ARHGAP22: variants seen among roughly 807,000 people sequenced by gnomAD.
ARHGAP22 encodes rho GTPase-activating protein 22.
In ARHGAP22, 48 loss-of-function variants were observed where a neutral mutation model predicts 59.1. That is an observed-to-expected ratio of 0.81 (90% CI 0.64 to 1.03). ARHGAP22 has a LOEUF of 1.03. Among genes scored for constraint, ARHGAP22 ranks in the 50% least tolerant of loss-of-function variants. The pLI, the probability that ARHGAP22 is intolerant of heterozygous loss-of-function variation, is 0.00. For missense variants in ARHGAP22, 1,015 were observed against 958.7 expected (o/e 1.06, Z -0.78); for synonymous variants, 445 against 416.4 (o/e 1.07, Z -0.84).
At chr10:48,495,545 G>C (rs1396003286) in intron 3 of ARHGAP22, among the ~76,000 whole-genome samples, 2 of 152,222 alleles carry the variant, frequency 1.3e-5, no homozygotes, top group African/African-American at 4.8e-5. Context: ...CTTAATAGCT[G>C]AGGATCTGAA....
In ARHGAP22 at chr10:48,538,139, G is replaced by C. The variant is rs2055555487; in HGVS notation, c.322+17324C>G. ...TCGCGGTGGAGCTCTAAAGGCTTGA[G>C]GGAGGAATCCTTCCTTGCCTCTTCC... On this transcript the variant is annotated intron_variant, in intron 3 of 9. Transcript: ENST00000249601. Among the ~76,000 whole-genome samples, 4 of 152,126 alleles carry C rather than the reference G, an allele frequency of 2.6e-5. 1 individual carries two copies. The South Asian group carries it at 8.3e-4, about 32-fold the overall frequency.
chr10:48,450,491 G>C lies in ARHGAP22; in HGVS notation c.1638C>G (p.Asp546Glu), dbSNP rs1196598791. ...DSSARSSLHT[D>E]WALEPSPLPS... ...GGAGCGGGGAGGGCTCCAGGGCCCA[G>C]TCGGTGTGCAGGGAACTGCGGGCAG... is the stretch of plus-strand genomic sequence containing the variant. Residue 546 changes from aspartate (D) to glutamate (E), a missense_variant, in exon 9 of 10, where the codon GAC (aspartate) becomes GAG (glutamate). Asp to Glu is a conservative substitution (Grantham distance 45, BLOSUM62 2). Coordinates refer to ENST00000249601, the MANE Select transcript of ARHGAP22 (RefSeq NM_021226.4). 7.2e-6 allele frequency: 11 copies of C among 1,533,530 alleles called. No homozygotes were observed. Among genetic ancestry groups the C allele is most frequent in the Non-Finnish European group, 8.8e-6 (10 of 1,139,082 alleles). The allele number at this position is 1,533,530 out of a possible 1,614,324, so 95.0% of individuals were successfully genotyped here. A position where few individuals can be genotyped will look rare whatever the true frequency, so the allele number is the denominator to read the frequency against.
chr10:48,565,667 C>CG lies in ARHGAP22; in HGVS notation c.235-10118_235-10117insC, dbSNP rs1358010590. The stretch of plus-strand genomic sequence containing the variant: ...ACAGGTGTGTTCCAGCCTGTTCCAC[C>CG]AGGCTGAGGCCTGGTTTCTTTATGT... On this transcript the variant is annotated intron_variant, in intron 2 of 9. Transcript: ENST00000249601. Among the ~76,000 whole-genome samples the CG allele has an allele frequency of 4.6e-5, 7 of 152,148 alleles. No individual in the cohort carries two copies. In the East Asian group the frequency reaches 1.3e-3, roughly 29 times the overall value.
intron 2 of ARHGAP22, among the ~76,000 whole-genome samples, chr10:48,565,002 G>T (rs2057957110): frequency 6.6e-6 from 1 of 152,214 alleles, no homozygotes; most frequent in African/African-American, 2.4e-5. Flanking sequence ...AACAGCAACA[G>T]CGACAATGAT....
At chr10:48,493,919 C>T (rs980531611) in intron 3 of ARHGAP22, among the ~76,000 whole-genome samples, 3 of 152,196 alleles carry the variant, frequency 2.0e-5, no homozygotes, top group Admixed American at 2.0e-4. Flanking sequence ...GGTGGACCCA[C>T]CCACCAGGTA....
At chr10:48,620,099 G>A (rs532714476) in intron 1 of ARHGAP22, among the ~76,000 whole-genome samples, 1 of 152,288 alleles carries the variant, frequency 6.6e-6, no homozygotes, top group South Asian at 2.1e-4. Flanking sequence ...CCTTTGATCA[G>A]TAAGAAAATA....
chr10:48,470,112 G>A (rs1156923544), intron 4 of ARHGAP22, among the ~76,000 whole-genome samples: 1 of 152,192 alleles, frequency 6.6e-6, no homozygotes, highest in Non-Finnish European at 1.5e-5. Context: ...TATCAATAAT[G>A]GAGACAAACT....
intron 3 of ARHGAP22, among the ~76,000 whole-genome samples, chr10:48,539,291 ATTTT>A (rs56801787): frequency 7.3e-6 from 1 of 136,256 alleles, no homozygotes; most frequent in Non-Finnish European, 1.5e-5. Context: ...GAAGGGTAAC[ATTTT>A]TTTTTTTTTT....
At chr10:48,460,016 A>C in intron 4 of ARHGAP22, 125 bp from the exon 5 acceptor site, 1 of 956,356 alleles carries the variant, frequency 1.0e-6, no homozygotes, top group African/African-American at 1.6e-5. Context: ...CAAATTACAC[A>C]CTGGGAGGAT....
intron 3 of ARHGAP22, among the ~76,000 whole-genome samples, chr10:48,550,469 G>A (rs762016692): frequency 1.3e-5 from 2 of 152,212 alleles, no homozygotes; most frequent in Non-Finnish European, 2.9e-5. Context: ...TTGCTCCGAG[G>A]TGTAGCCATG....
chr10:48,613,613 AT>A (rs931880254), intron 1 of ARHGAP22, among the ~76,000 whole-genome samples: 7 of 151,992 alleles, frequency 4.6e-5, no homozygotes, highest in African/African-American at 1.7e-4. Context: ...GTAAGACTAT[AT>A]TGTTTAGAGG....
chr10:48,574,695 G>A (rs181408502), intron 2 of ARHGAP22: 160 of 152,394 alleles, frequency 1.0e-3, no homozygotes, highest in African/African-American at 3.6e-3. Flanking sequence ...GCCAGCCAAA[G>A]GTGTGAGGTT....
chr10:48,435,323 T>C, the ARHGAP22 span: 8 of 267,584 alleles, frequency 3.0e-5, no homozygotes, highest in Non-Finnish European at 4.9e-5. Flanking sequence ...CTTTATCTTA[T>C]GCTGCTGATT....
At chr10:48,578,898 CT>C (rs1159094953) in intron 2 of ARHGAP22, among the ~76,000 whole-genome samples, 2 of 151,920 alleles carry the variant, frequency 1.3e-5, no homozygotes, top group Non-Finnish European at 2.9e-5. Context: ...CTCACATTTA[CT>C]TGCTTACCTT....
intron 1 of ARHGAP22, among the ~76,000 whole-genome samples, chr10:48,650,957 T>A (rs1380592845): frequency 1.3e-5 from 2 of 152,170 alleles, no homozygotes; most frequent in African/African-American, 2.4e-5. Context: ...CCCACTCCGT[T>A]CTTCATGAAC....
At chr10:48,471,764 C>A (rs529861605) in intron 4 of ARHGAP22, among the ~76,000 whole-genome samples, 3 of 152,198 alleles carry the variant, frequency 2.0e-5, no homozygotes, top group Non-Finnish European at 4.4e-5. Context: ...AGGGAGAGCA[C>A]CCCCTTCTCT....
At chr10:48,432,568 A>ATAG in the ARHGAP22 span, among the ~76,000 whole-genome samples, 1 of 152,156 alleles carries the variant, frequency 6.6e-6, no homozygotes, top group Non-Finnish European at 1.5e-5. Flanking sequence ...GTATTGCTAT[A>ATAG]TAGTAGTAGT....
At chr10:48,603,764 A>G (rs371173338) in intron 1 of ARHGAP22, among the ~76,000 whole-genome samples, 2 of 152,230 alleles carry the variant, frequency 1.3e-5, no homozygotes, top group African/African-American at 2.4e-5. Context: ...TCTGTGGAAC[A>G]CACTGGAAGG....
intron 3 of ARHGAP22, among the ~76,000 whole-genome samples, chr10:48,554,886 T>C (rs1203902276): frequency 6.6e-6 from 1 of 152,184 alleles, no homozygotes; most frequent in East Asian, 1.9e-4. Flanking sequence ...GAGGCCAAGC[T>C]AAAGAAAACA....
Sources: allele counts gnomAD v4.1 joint callset (sites outside exome capture counted in the v4.1 genomes callset), GRCh38; gene constraint gnomAD v4.1.1; transcripts MANE v1.5; gene names NCBI Gene and HGNC (gene_info 2026-07-23, HGNC 2026-07-21).